The following DIDO1 variants were observed in gnomAD, a reference collection of about 807,000 sequenced individuals.
The protein encoded by DIDO1 is death-inducer obliterator 1.
DIDO1 carries 16 observed loss-of-function variants against 99.4 expected under a neutral mutation model. That is an observed-to-expected ratio of 0.16 (90% CI 0.11 to 0.24). DIDO1 has a LOEUF of 0.24. Ranked by LOEUF, DIDO1 falls within the 10% of genes least tolerant of loss-of-function variation. The pLI, the probability that DIDO1 is intolerant of heterozygous loss-of-function variation, is 1.00. For missense variants in DIDO1, 2,996 were observed against 3,014.0 expected (o/e 0.99, Z 0.14); for synonymous variants, 1,366 against 1,239.1 (o/e 1.10, Z -2.15).
At chr20:62,893,051 G>A in intron 12 of DIDO1, 89 bp from the exon 13 acceptor site, 1 of 1,376,898 alleles carries the variant, frequency 7.3e-7, no homozygotes, top group Non-Finnish European at 9.8e-7. Flanking sequence ...TTTTGAGACA[G>A]GATCTCATTC....
intron 1 of DIDO1, among the ~76,000 whole-genome samples, chr20:62,921,059 A>AT (rs923598869): frequency 2.6e-5 from 4 of 151,538 alleles, no homozygotes; most frequent in Non-Finnish European, 2.9e-5. Flanking sequence ...ATGCCGAGTT[A>AT]TTTTTTTTGT....
chr20:62,886,981 A>G (rs2064306692), intron 15 of DIDO1, among the ~76,000 whole-genome samples: 1 of 152,234 alleles, frequency 6.6e-6, no homozygotes, highest in South Asian at 2.1e-4. Flanking sequence ...CACTGGGTCC[A>G]GCACGTCTCA....
At chr20:62,887,744 C>CA in intron 15 of DIDO1, 1 of 985,512 alleles carries the variant, frequency 1.0e-6, no homozygotes, top group Non-Finnish European at 1.2e-6. Flanking sequence ...CTTCCATGAA[C>CA]AAGGCCCTGA....
At chr20:62,889,702 A>G (rs1238875099) in intron 15 of DIDO1, 1 of 985,344 alleles carries the variant, frequency 1.0e-6, no homozygotes, top group African/African-American at 1.7e-5. Flanking sequence ...AGCAACACCA[A>G]GAACCTCTAC....
At chr20:62,924,451 T>C (rs183300582) in intron 1 of DIDO1, among the ~76,000 whole-genome samples, 8 of 152,298 alleles carry the variant, frequency 5.3e-5, no homozygotes, top group African/African-American at 1.9e-4. Context: ...TTCCAAACAA[T>C]GAAGACGTGG....
intron 1 of DIDO1, among the ~76,000 whole-genome samples, chr20:62,924,078 ACCT>A (rs1405771929): frequency 4.2e-4 from 64 of 152,178 alleles, no homozygotes; most frequent in Middle Eastern, 3.4e-3. Flanking sequence ...TTGTTCTTTG[ACCT>A]CCTCTTTCCC....
chr20:62,917,776 G>A (rs975658456), intron 1 of DIDO1, among the ~76,000 whole-genome samples: 10 of 152,192 alleles, frequency 6.6e-5, no homozygotes, highest in African/African-American at 2.2e-4. Context: ...CTAAACATTC[G>A]GTGCCCATGC....
intron 4 of DIDO1, 22 bp from the exon 5 acceptor site, chr20:62,907,381 T>C (rs756835996): frequency 6.2e-7 from 1 of 1,608,406 alleles, no homozygotes; most frequent in East Asian, 2.2e-5. Flanking sequence ...AACAGATGAC[T>C]TCAAACAATG....
rs780172898 is a variant in DIDO1 at position 62,894,468 on chromosome 20, G to A, written c.2517C>T (p.Asp839=). The change falls in exon 11 of 16, where the codon GAC becomes GAT. Residue 839 remains aspartate, a synonymous_variant. Transcript: ENST00000395343. The surrounding 1 kb of genome is among the most constrained non-coding windows in gnomAD (Gnocchi z 4.4). ...LLDVFSSMLK[D]TTSQHRAHLF... ...GGTGTGCGCGGTGCTGACTGGTGGTGTCTTTCAACATGCTGCTGAAGACGT... is the reference window on the plus strand; with the variant it reads ...GGTGTGCGCGGTGCTGACTGGTGGTATCTTTCAACATGCTGCTGAAGACGT... The A allele has an allele frequency of 6.2e-7, 1 of 1,613,622 alleles. No individual in the cohort carries two copies. The highest frequency in any genetic ancestry group is 1.1e-5 in the South Asian group (1 of 91,080).
chr20:62,891,245 T>C, intron 14 of DIDO1, 90 bp from the exon 15 acceptor site: 11 of 1,568,842 alleles, frequency 7.0e-6, no homozygotes, highest in Non-Finnish European at 9.5e-6. Flanking sequence ...CAGGAAACCT[T>C]GTCAGATCTC....
rs758400689 is a variant in DIDO1 at position 62,896,514 on chromosome 20, C to T, written c.2054+17G>A. 6.3e-7 allele frequency: 1 copy of T among 1,579,708 alleles called. No homozygotes were observed. Among genetic ancestry groups the T allele is most frequent in the South Asian group, 1.2e-5 (1 of 85,960 alleles). ...CCTTCCATTTTAATGGGTAAGAAAT[C>T]AAGCAGAACAGCCCACCTTTTCCAC... On this transcript the variant is annotated intron_variant, in intron 7 of 15. Transcript: ENST00000395343. The surrounding 1 kb of genome is among the most constrained non-coding windows in gnomAD (Gnocchi z 4.4).
At position 62,896,795 on chromosome 20, in the gene DIDO1, C is replaced by G; in HGVS notation, c.1790G>C (p.Arg597Thr). Residue 597 changes from arginine (R) to threonine (T), a missense_variant, in exon 7 of 16, where the codon AGG (arginine) becomes ACG (threonine). Physicochemically the swap from Arg to Thr is moderately conservative, Grantham distance 71. This residue lies in a region of DIDO1 where 898 missense variants were observed against 972.7 expected (regional missense o/e 0.92). Coordinates refer to ENST00000395343, the MANE Select transcript of DIDO1 (RefSeq NM_001193369.2). The surrounding 1 kb of genome is among the most constrained non-coding windows in gnomAD (Gnocchi z 4.4). ...PSGFKGTIPK[R>T]PWLSATPSSG... Reference sequence around the variant, plus strand: ...CGATGGGGTAGCGGAGAGCCATGGCCTCTTGGGGATGGTGCCCTTGAAACC... The same window carrying G: ...CGATGGGGTAGCGGAGAGCCATGGCGTCTTGGGGATGGTGCCCTTGAAACC... 2.5e-6 allele frequency: 4 copies of G among 1,614,148 alleles called. No homozygotes were observed. The highest frequency in any genetic ancestry group is 3.4e-6 in the Non-Finnish European group (4 of 1,180,054).
At position 62,922,827 on chromosome 20, in the gene DIDO1, G is replaced by A. The variant is rs139104933; in HGVS notation, c.-200+3612C>T. On this transcript the variant is annotated intron_variant, in intron 1 of 15. Transcript: ENST00000395343. ...ATGGGCTTGGCACAGGGAAGAGAGC[G>A]GGTGACATACTGTTCTCATGGAGGG... is the stretch of plus-strand genomic sequence containing the variant. Among the ~76,000 whole-genome samples, 173 of 152,316 alleles carry A rather than the reference G, an allele frequency of 1.1e-3. 1 individual carries two copies. The highest frequency in any genetic ancestry group is 4.0e-3 in the African/African-American group (166 of 41,570).
In DIDO1 at chr20:62,879,607, GCT is replaced by G; in HGVS notation, c.6347_6348del (p.Glu2116AlafsTer140). 6.2e-7 allele frequency: 1 copy of G among 1,604,262 alleles called. No individual in the cohort carries two copies. Among genetic ancestry groups the G allele is most frequent in the Non-Finnish European group, 8.5e-7 (1 of 1,179,712 alleles). ...QGRASEDRRRERERGRNWSRE... is the reference protein window; with the variant it reads ...QGRASEDRRRXRERGRNWSRE... Reference sequence around the variant, plus strand: ...CGGCTCCAGTTTCGGCCGCGCTCGCGCTCTCTCCTCCTGTCCTCGGACGCCCG... The same window carrying G: ...CGGCTCCAGTTTCGGCCGCGCTCGCGCTCTCCTCCTGTCCTCGGACGCCCG... On this transcript the variant is annotated frameshift_variant, in exon 16 of 16. Transcript: ENST00000395343. LOFTEE classifies it low-confidence loss of function (END_TRUNC). This position sits in a 1 kb window ranked among gnomAD's most constrained non-coding sequence, Gnocchi z 6.3.
chr20:62,892,167 A>G, intron 13 of DIDO1, 91 bp from the exon 14 acceptor site: 1 of 1,026,536 alleles, frequency 9.7e-7, no homozygotes, highest in Non-Finnish European at 1.4e-6. Context: ...ACTACCCAAG[A>G]TTCAAGAAGA....
chr20:62,937,854 C>A (rs912493289), exon 1 of DIDO1: 2 of 398,580 alleles, frequency 5.0e-6, no homozygotes, highest in Non-Finnish European at 8.8e-6. Context: ...CGCGCTCCAA[C>A]GCCTCCGCAG....
intron 6 of DIDO1, among the ~76,000 whole-genome samples, chr20:62,903,724 C>A (rs3746762): frequency 0.23 from 34,962 of 152,112 alleles, 4,298 homozygotes; most frequent in East Asian, 0.34. Context: ...GTCCCCATTC[C>A]CATCCTATAC....
At position 62,922,758 on chromosome 20, in the gene DIDO1, C is replaced by T. The variant is rs2065179938; in HGVS notation, c.-200+3681G>A. 2.0e-5 allele frequency among the ~76,000 whole-genome samples: 3 copies of T among 152,218 alleles called. No individual in the cohort carries two copies. In the South Asian group the frequency reaches 6.2e-4, roughly 32 times the overall value. ...GCGAGGGCTTGGAGAGAAAGGCCCTCTTAGGCGAGTCTATTTGTCCGACAT... is the reference window on the plus strand; with the variant it reads ...GCGAGGGCTTGGAGAGAAAGGCCCTTTTAGGCGAGTCTATTTGTCCGACAT... On this transcript the variant is annotated intron_variant, in intron 1 of 15. Transcript: ENST00000395343.
chr20:62,890,055 AACACCCTGC>A lies in DIDO1; in HGVS notation c.3541+896_3541+904del. The A allele has an allele frequency of 4.1e-6, 4 of 985,724 alleles. No homozygotes were observed. The African/African-American group carries it at 5.2e-5, about 13-fold the overall frequency. 61.1% of individuals were successfully genotyped at this position (985,724 alleles called of 1,614,324 possible). The stretch of plus-strand genomic sequence containing the variant: ...GTGCGGCATGAGGGGTGTGGGTGGG[AACACCCTGC>A]ACAGCTATGGCAGGAACACCCGCCG... On this transcript the variant is annotated intron_variant, in intron 15 of 15. Coordinates refer to ENST00000395343, the MANE Select transcript of DIDO1 (RefSeq NM_001193369.2).
Sources: gnomAD v4.1 joint callset for allele counts (sites outside exome capture counted in the v4.1 genomes callset) on GRCh38, gnomAD v4.1.1 for gene constraint, gnomAD v4.1.1 regional missense constraint, Gnocchi (gnomAD v3.1) non-coding constraint, MANE v1.5 for transcripts, NCBI Gene and HGNC (gene_info 2026-07-23, HGNC 2026-07-21) for gene names.